Variants in FN3KRP observed in about 807,000 individuals in gnomAD.
FN3KRP encodes the protein fructosamine 3 kinase related protein.
In FN3KRP, 33 loss-of-function variants were observed where a neutral mutation model predicts 29.8. That is an observed-to-expected ratio of 1.11 (90% confidence interval 0.84 to 1.48). The LOEUF (loss-of-function observed/expected upper bound fraction) is 1.48. FN3KRP is among the 40% of genes most tolerant of loss of function. FN3KRP has a pLI of 0.00. For synonymous variants in FN3KRP, 157 were observed against 155.2 expected (o/e 1.01, Z -0.09); for missense variants, 430 against 402.6 (o/e 1.07, Z -0.58).
intron 1 of FN3KRP, among the ~76,000 whole-genome samples, chr17:82,717,739 C>A (rs1233851309): frequency 6.6e-6 from 1 of 152,066 alleles, no homozygotes. Flanking sequence ...AAAGAGTGTT[C>A]CTAGCAGCGG....
At chr17:82,722,206 C>A (rs2046802979) in intron 3 of FN3KRP, among the ~76,000 whole-genome samples, 1 of 152,120 alleles carries the variant, frequency 6.6e-6, no homozygotes, top group African/African-American at 2.4e-5. Context: ...GCGATCTCGG[C>A]TCACTGCAAC....
Position 82,722,787 on chromosome 17 carries a change from T to C in FN3KRP, c.386-17T>C, listed in dbSNP as rs765616082. The stretch of plus-strand genomic sequence containing the variant: ...TCCCTTGGAACTAATTTCCTTTCTT[T>C]TACTTTTGCTTGCAAGGGAGAGGAG... On this transcript the variant is annotated splice_polypyrimidine_tract_variant and intron_variant, in intron 3 of 5. Coordinates refer to ENST00000269373, the MANE Select transcript of FN3KRP (RefSeq NM_024619.4). 5 of 1,612,782 alleles carry C rather than the reference T, an allele frequency of 3.1e-6. No individual in the cohort carries two copies. The highest frequency in any genetic ancestry group is 1.7e-4 in the Middle Eastern group (1 of 5,728).
chr17:82,725,764 G>GGT (rs2046832378), intron 4 of FN3KRP, among the ~76,000 whole-genome samples: 1 of 152,192 alleles, frequency 6.6e-6, no homozygotes, highest in South Asian at 2.1e-4. Context: ...CAGACACAAG[G>GGT]GTATTTGCTG....
At chr17:82,722,941 C>T (rs367615058) in intron 4 of FN3KRP, 55 bp downstream of exon 4, 59 of 1,503,442 alleles carry the variant, frequency 3.9e-5, no homozygotes, top group African/African-American at 9.7e-5. Flanking sequence ...TTCAGACACA[C>T]GGGTTGGGGG....
chr17:82,725,944 G>A (rs1267104196), intron 4 of FN3KRP, among the ~76,000 whole-genome samples: 2 of 152,190 alleles, frequency 1.3e-5, no homozygotes, highest in Admixed American at 1.3e-4. Context: ...TTGAGAGGCT[G>A]AAGCGGGCAG....
intron 1 of FN3KRP, 135 bp downstream of exon 1, chr17:82,717,031 C>A (rs926575920): frequency 1.8e-6 from 2 of 1,123,658 alleles, no homozygotes; most frequent in Non-Finnish European, 2.4e-6. Flanking sequence ...GCCGCCGCCC[C>A]TTGCGGGGAA....
At chr17:82,726,204 A>G (rs1400832391) in intron 4 of FN3KRP, among the ~76,000 whole-genome samples, 1 of 152,060 alleles carries the variant, frequency 6.6e-6, no homozygotes, top group Non-Finnish European at 1.5e-5. Flanking sequence ...AGAAAAAAAA[A>G]TGTTCTAGAA....
intron 4 of FN3KRP, among the ~76,000 whole-genome samples, chr17:82,723,620 TATGTGTATGTGTGCACACGTGTGTGC>T (rs1216428004): frequency 7.3e-5 from 11 of 151,602 alleles, no homozygotes; most frequent in Non-Finnish European, 1.2e-4. Context: ...CATGTGTGCA[TATGTGTATGTGTGCACACGTGTGTGC>T]ATGTGTGTAC....
chr17:82,718,330 G>T, intron 1 of FN3KRP: 5 of 843,588 alleles, frequency 5.9e-6, no homozygotes, highest in Non-Finnish European at 5.7e-6. Flanking sequence ...GAGCCAGGGG[G>T]ACCCAAGGGA....
intron 4 of FN3KRP, 99 bp downstream of exon 4, chr17:82,722,985 T>G (rs1221289131): frequency 3.7e-6 from 4 of 1,077,416 alleles, no homozygotes; most frequent in Non-Finnish European, 5.5e-6. Context: ...TGAGCTTCAG[T>G]AAAAGTATTT....
intron 4 of FN3KRP, 75 bp from the exon 5 acceptor site, chr17:82,726,405 A>G (rs1213295407): frequency 3.2e-6 from 5 of 1,549,930 alleles, no homozygotes; most frequent in Non-Finnish European, 4.4e-6. Flanking sequence ...CCACTTTGAG[A>G]TGCTTGTGGG....
At chr17:82,718,831 A>G in intron 1 of FN3KRP, 75 bp from the exon 2 acceptor site, 1 of 1,525,302 alleles carries the variant, frequency 6.6e-7, no homozygotes, top group African/African-American at 1.4e-5. Flanking sequence ...TGCTAGAGGA[A>G]AACATATCTA....
Position 82,716,788 on chromosome 17 carries a change from C to T in FN3KRP, c.33C>T (p.Cys11=), listed in dbSNP as rs573333278. 147 of 1,541,910 alleles carry T rather than the reference C, an allele frequency of 9.5e-5. No homozygotes were observed. In the South Asian group the frequency reaches 1.5e-3, roughly 16 times the overall value. Reference sequence around the variant, plus strand: ...AGCTCCTGAGGCGCGAGCTGGGCTGCAGCTCTGTCAGGGCCACGGGCCACT... The same window carrying T: ...AGCTCCTGAGGCGCGAGCTGGGCTGTAGCTCTGTCAGGGCCACGGGCCACT... MEELLRRELG[C]SSVRATGHSG... is the part of the protein sequence containing the mutation. The change falls in exon 1 of 6, where the codon TGC becomes TGT. Residue 11 remains cysteine (C), a synonymous_variant. Coordinates refer to ENST00000269373, the MANE Select transcript of FN3KRP (RefSeq NM_024619.4).
At chr17:82,722,959 C>A in intron 4 of FN3KRP, 73 bp downstream of exon 4, 7 of 1,333,222 alleles carry the variant, frequency 5.3e-6, no homozygotes, top group Admixed American at 4.4e-5. Context: ...GGGGACACAC[C>A]CCCCTCCTTT....
At chr17:82,719,107 GTCTT>G in intron 2 of FN3KRP, 50 bp downstream of exon 2, 1 of 1,507,826 alleles carries the variant, frequency 6.6e-7, no homozygotes, top group Non-Finnish European at 9.0e-7. Context: ...GAGCAGGTGT[GTCTT>G]CACACCTTGT....
intron 4 of FN3KRP, among the ~76,000 whole-genome samples, chr17:82,725,952 C>T (rs2143619800): frequency 6.6e-6 from 1 of 152,248 alleles, no homozygotes; most frequent in South Asian, 2.1e-4. Context: ...CTGAAGCGGG[C>T]AGATCACCTG....
intron 1 of FN3KRP, chr17:82,718,307 A>T: frequency 1.9e-6 from 1 of 535,808 alleles, no homozygotes; most frequent in Non-Finnish European, 2.2e-6. Flanking sequence ...TCTAGGGATC[A>T]CTGCTGTGTG....
intron 3 of FN3KRP, 186 bp from the exon 4 acceptor site, chr17:82,722,618 A>G (rs73361134): frequency 0.019 from 10,910 of 567,868 alleles, 392 homozygotes; most frequent in African/African-American, 0.11. Context: ...TGATGCTGAC[A>G]TCTGCTGGAG....
In FN3KRP at chr17:82,727,355, C is replaced by A. The variant is rs1172722689; in HGVS notation, c.*184C>A. The A allele has an allele frequency of 3.7e-5, 22 of 589,104 alleles. No individual in the cohort carries two copies. The highest frequency in any genetic ancestry group is 5.9e-5 in the Non-Finnish European group (20 of 340,450). 36.5% of individuals were successfully genotyped at this position (589,104 alleles called of 1,614,324 possible). ...TCCCAGCGTTGTCCACTTTGTGGGG[C>A]TTTGTAGGTAGACGGAGCCACACTA... On this transcript the variant is annotated 3_prime_UTR_variant, in exon 6 of 6. Coordinates refer to ENST00000269373, the MANE Select transcript of FN3KRP (RefSeq NM_024619.4).
Sources: gnomAD v4.1 joint callset for allele counts (sites outside exome capture counted in the v4.1 genomes callset) on GRCh38, gnomAD v4.1.1 for gene constraint, MANE v1.5 for transcripts, NCBI Gene and HGNC (gene_info 2026-07-23, HGNC 2026-07-21) for gene names.